The following RARB variants were observed in gnomAD, a reference collection of about 807,000 sequenced individuals.
RARB encodes retinoic acid receptor beta.
RARB carries 17 observed loss-of-function variants against 51.9 expected under a neutral mutation model. The observed-to-expected ratio is 0.33, with a 90% CI of 0.22 to 0.49. The LOEUF (loss-of-function observed/expected upper bound fraction) is 0.49. RARB is among the 20% of genes least tolerant of loss of function. The probability of loss-of-function intolerance (pLI) is 0.99; values close to 1 mark genes in which losing one functional copy is unlikely to be tolerated. For missense variants in RARB, 369 were observed against 550.8 expected, an observed-to-expected ratio of 0.67 and a Z score of 3.30; for synonymous variants, 215 against 195.4, an observed-to-expected ratio of 1.10 and a Z score of -0.84.
intron 3 of RARB, among the ~76,000 whole-genome samples, chr3:25,093,470 T>C (rs1699237656): frequency 7.1e-6 from 1 of 141,486 alleles, no homozygotes; most frequent in Non-Finnish European, 1.5e-5. Context: ...AAACATTTAA[T>C]GTATAGTTTA....
At chr3:25,097,369 G>A (rs989228066) in intron 3 of RARB, among the ~76,000 whole-genome samples, 5 of 152,174 alleles carry the variant, frequency 3.3e-5, no homozygotes, top group African/African-American at 1.2e-4. Context: ...AAAGTAACAT[G>A]AAAACATTGA....
At chr3:25,525,249 T>A (rs1698598692) in intron 3 of RARB, among the ~76,000 whole-genome samples, 2 of 152,136 alleles carry the variant, frequency 1.3e-5, no homozygotes, top group Non-Finnish European at 1.5e-5. Flanking sequence ...GGTTATCCTG[T>A]TCATTTTGGA....
intron 3 of RARB, among the ~76,000 whole-genome samples, chr3:25,503,647 T>C (rs1697423278): frequency 6.6e-6 from 1 of 152,142 alleles, no homozygotes; most frequent in Non-Finnish European, 1.5e-5. Flanking sequence ...TACACAAAAA[T>C]AAATGTATTT....
intron 5 of RARB, among the ~76,000 whole-genome samples, chr3:25,225,525 T>A (rs4681038): frequency 6.6e-6 from 1 of 151,946 alleles, no homozygotes; most frequent in Admixed American, 6.6e-5. Flanking sequence ...TAAGACCTTA[T>A]GCTTTCTAGA....
chr3:25,093,939 T>A (rs1487955346), intron 3 of RARB, among the ~76,000 whole-genome samples: 1 of 152,128 alleles, frequency 6.6e-6, no homozygotes, highest in Non-Finnish European at 1.5e-5. Flanking sequence ...TGAGTCATAA[T>A]AAAACACATA....
intron 2 of RARB, among the ~76,000 whole-genome samples, chr3:24,874,409 C>T (rs923665906): frequency 2.6e-5 from 4 of 152,134 alleles, no homozygotes; most frequent in Middle Eastern, 3.4e-3. Flanking sequence ...TTGTTAGAAT[C>T]TTCCAGGATG....
chr3:25,288,375 C>T (rs1049124198), intron 5 of RARB, among the ~76,000 whole-genome samples: 12 of 152,114 alleles, frequency 7.9e-5, no homozygotes, highest in Non-Finnish European at 1.3e-4. Context: ...TCCCTAGTCA[C>T]GCTAGACTGT....
intron 5 of RARB, among the ~76,000 whole-genome samples, chr3:25,179,529 T>G (rs1255021215): frequency 6.6e-6 from 1 of 152,200 alleles, no homozygotes; most frequent in Non-Finnish European, 1.5e-5. Context: ...TATCTATGTA[T>G]CCTTACATTG....
At chr3:25,019,610 C>T (rs1329763596) in intron 2 of RARB, among the ~76,000 whole-genome samples, 1 of 152,108 alleles carries the variant, frequency 6.6e-6, no homozygotes, top group African/African-American at 2.4e-5. Flanking sequence ...TTATCTGTGC[C>T]TCAGAGAGAA....
intron 5 of RARB, among the ~76,000 whole-genome samples, chr3:25,290,572 C>T (rs532461335): frequency 1.3e-5 from 2 of 152,310 alleles, no homozygotes; most frequent in African/African-American, 4.8e-5. Context: ...CCTTCATGGT[C>T]CCTTTAAAAC....
intron 2 of RARB, among the ~76,000 whole-genome samples, chr3:25,492,817 CT>C (rs1228698788): frequency 6.6e-6 from 1 of 152,052 alleles, no homozygotes. Flanking sequence ...TGAAAGGAGA[CT>C]TTTAGGCCTA....
At chr3:24,836,065 C>T (rs1702341443) in intron 1 of RARB, among the ~76,000 whole-genome samples, 1 of 152,152 alleles carries the variant, frequency 6.6e-6, no homozygotes, top group Admixed American at 6.5e-5. Flanking sequence ...GGACAATGCA[C>T]TTTAACATTT....
intron 2 of RARB, among the ~76,000 whole-genome samples, chr3:24,938,556 T>C (rs566597449): frequency 3.9e-5 from 6 of 152,336 alleles, no homozygotes; most frequent in African/African-American, 7.2e-5. Flanking sequence ...ATTATACATA[T>C]AGTGGTGAAA....
At chr3:24,888,628 T>C (rs150900404) in intron 2 of RARB, among the ~76,000 whole-genome samples, 64 of 152,244 alleles carry the variant, frequency 4.2e-4, no homozygotes, top group African/African-American at 1.3e-3. Context: ...AACTGTATAA[T>C]GTTGTTTTTG....
chr3:25,164,673 T>C (rs2125348307), intron 4 of RARB, among the ~76,000 whole-genome samples: 1 of 152,366 alleles, frequency 6.6e-6, no homozygotes, highest in Middle Eastern at 3.4e-3. Flanking sequence ...TCTGCTACTT[T>C]GGGGACCCTA....
intron 1 of RARB, among the ~76,000 whole-genome samples, chr3:25,433,292 T>TAGTCTGCCCCTTGAACCC (rs1553614447): frequency 1.3e-5 from 2 of 152,150 alleles, no homozygotes; most frequent in African/African-American, 4.8e-5. Flanking sequence ...CAACATCTCC[T>TAGTCTGCCCCTTGAACCC]AGGAGTGGCA....
chr3:25,171,882 A>G (rs1176189924), intron 4 of RARB, among the ~76,000 whole-genome samples: 1 of 140,822 alleles, frequency 7.1e-6, no homozygotes, highest in East Asian at 1.9e-4. Context: ...AAATAAAACT[A>G]TTGAATATAT....
At chr3:25,249,495 T>G (rs35769460) in intron 5 of RARB, among the ~76,000 whole-genome samples, 53,454 of 151,842 alleles carry the variant, frequency 0.35, 9,971 homozygotes, top group South Asian at 0.52. Flanking sequence ...GTTTCATATA[T>G]CCCTGCTTTT....
chr3:25,041,871 AG>A (rs1210709143), intron 2 of RARB, among the ~76,000 whole-genome samples: 1 of 152,162 alleles, frequency 6.6e-6, no homozygotes, highest in Non-Finnish European at 1.5e-5. Flanking sequence ...ATTTAAGTGG[AG>A]GTGGTAATAT....
Sources: allele counts gnomAD v4.1 joint callset (sites outside exome capture counted in the v4.1 genomes callset), GRCh38; gene constraint gnomAD v4.1.1; transcripts MANE v1.5; gene names NCBI Gene and HGNC (gene_info 2026-07-23, HGNC 2026-07-21).